ATP13A3: variants seen among roughly 807,000 people sequenced by gnomAD.
The protein encoded by ATP13A3 is ATPase 13A3.
ATP13A3 carries 59 observed loss-of-function variants against 158.1 expected under a neutral mutation model. That is an observed-to-expected ratio of 0.37 (90% CI 0.30 to 0.46). The LOEUF is 0.46. ATP13A3 is among the 20% of genes least tolerant of loss of function. ATP13A3 has a pLI of 1.00. For missense variants in ATP13A3, 1,166 were observed against 1,525.2 expected, an observed-to-expected ratio of 0.76 and a Z score of 3.92; for synonymous variants, 491 against 504.3, an observed-to-expected ratio of 0.97 and a Z score of 0.35.
intron 30 of ATP13A3, 144 bp from the exon 31 acceptor site, chr3:194,420,111 G>C (rs987215551): frequency 1.1e-6 from 1 of 877,066 alleles, no homozygotes; most frequent in Admixed American, 4.2e-5. Flanking sequence ...TATGTGCTCT[G>C]TTATCTCCTG....
At chr3:194,420,740 A>G (rs1053355957) in intron 30 of ATP13A3, among the ~76,000 whole-genome samples, 4 of 152,300 alleles carry the variant, frequency 2.6e-5, no homozygotes, top group African/African-American at 9.6e-5. Flanking sequence ...ACACACATGT[A>G]TATAAGCATA....
At chr3:194,426,123 C>T (rs867713402) in intron 29 of ATP13A3, among the ~76,000 whole-genome samples, 5 of 152,034 alleles carry the variant, frequency 3.3e-5, no homozygotes, top group African/African-American at 1.2e-4. Context: ...TAAGTGCTCA[C>T]GAAACGTGAT....
intron 28 of ATP13A3, 149 bp downstream of exon 28, chr3:194,428,696 T>C: frequency 1.9e-6 from 1 of 532,934 alleles, no homozygotes; most frequent in Non-Finnish European, 3.3e-6. Context: ...GCGCAAGATA[T>C]AAACAACTGG....
At chr3:194,445,996 T>C (rs1295904267) in intron 14 of ATP13A3, among the ~76,000 whole-genome samples, 1 of 152,078 alleles carries the variant, frequency 6.6e-6, no homozygotes, top group Non-Finnish European at 1.5e-5. Flanking sequence ...AGCAATAAAA[T>C]CATAATAAAT....
intron 29 of ATP13A3, 133 bp downstream of exon 29, chr3:194,426,942 C>T: frequency 1.1e-6 from 1 of 934,626 alleles, no homozygotes. Context: ...CCTCGGCCTC[C>T]CCAAAGTACT....
intron 2 of ATP13A3, among the ~76,000 whole-genome samples, chr3:194,476,419 A>C (rs73073156): frequency 0.044 from 6,700 of 152,190 alleles, 362 homozygotes; most frequent in African/African-American, 0.13. Context: ...CTTCCAAAAA[A>C]TCTGCCCCAC....
intron 31 of ATP13A3, among the ~76,000 whole-genome samples, chr3:194,415,661 C>CTGTTTTTTTTTTTT (rs1208643552): frequency 3.4e-4 from 31 of 90,916 alleles, no homozygotes; most frequent in East Asian, 1.3e-3. Context: ...ATACCACATT[C>CTGTTTTTTTTTTTT]TTTTTTTTTT....
At chr3:194,462,806 C>T (rs926324750) in intron 2 of ATP13A3, among the ~76,000 whole-genome samples, 2 of 152,134 alleles carry the variant, frequency 1.3e-5, no homozygotes, top group African/African-American at 4.8e-5. Context: ...CAATGGGATA[C>T]CAGTGCTTGA....
chr3:194,405,726 T>C lies in ATP13A3; in HGVS notation c.*193A>G, dbSNP rs375311582. 2 of 590,206 alleles carry C rather than the reference T, an allele frequency of 3.4e-6. No individual in the cohort carries two copies. Among genetic ancestry groups the C allele is most frequent in the South Asian group, 2.2e-5 (1 of 45,074 alleles). 36.6% of individuals were successfully genotyped at this position (590,206 alleles called of 1,614,324 possible). ...GAAGATATAGGACTTTATGGATTGA[T>C]TGTTAATTTAACTGTTAGGACGATA... On this transcript the variant is annotated 3_prime_UTR_variant, in exon 34 of 34. Transcript: ENST00000645319.
intron 31 of ATP13A3, among the ~76,000 whole-genome samples, chr3:194,416,916 G>T (rs1399451006): frequency 2.0e-5 from 3 of 151,910 alleles, no homozygotes; most frequent in Non-Finnish European, 4.4e-5. Flanking sequence ...TTTATCAAGG[G>T]ATCAAAAACT....
chr3:194,469,046 A>G (rs1720168296), intron 2 of ATP13A3, among the ~76,000 whole-genome samples: 1 of 151,764 alleles, frequency 6.6e-6, no homozygotes. Context: ...AGGCAGGAGA[A>G]TCGTTTGAAC....
intron 16 of ATP13A3, among the ~76,000 whole-genome samples, chr3:194,440,009 G>GATC (rs1187935851): frequency 2.0e-5 from 3 of 152,188 alleles, no homozygotes; most frequent in Admixed American, 6.5e-5. Flanking sequence ...GTAGTTGGCA[G>GATC]ATGGAGCACT....
chr3:194,435,380 T>C (rs1717551474), intron 20 of ATP13A3, among the ~76,000 whole-genome samples: 1 of 152,020 alleles, frequency 6.6e-6, no homozygotes, highest in Non-Finnish European at 1.5e-5. Context: ...CAAGGAAATC[T>C]TACCCTCTAG....
chr3:194,466,056 G>C (rs1435905767), intron 2 of ATP13A3, among the ~76,000 whole-genome samples: 2 of 151,910 alleles, frequency 1.3e-5, no homozygotes, highest in Non-Finnish European at 2.9e-5. Context: ...AAAGTATTCT[G>C]AACTGAATAA....
chr3:194,415,181 C>T (rs1715734689), intron 31 of ATP13A3, among the ~76,000 whole-genome samples: 2 of 152,092 alleles, frequency 1.3e-5, no homozygotes, highest in South Asian at 2.1e-4. Context: ...ATGGCTAACT[C>T]GTCAAATACT....
At chr3:194,446,383 A>G (rs1227315799) in intron 14 of ATP13A3, among the ~76,000 whole-genome samples, 4 of 152,084 alleles carry the variant, frequency 2.6e-5, no homozygotes, top group Non-Finnish European at 5.9e-5. Context: ...AGCACATTTA[A>G]ATGGTCCCAG....
chr3:194,493,083 A>G (rs1366756435), intron 2 of ATP13A3, among the ~76,000 whole-genome samples: 1 of 150,930 alleles, frequency 6.6e-6, no homozygotes, highest in Non-Finnish European at 1.5e-5. Context: ...ATGGTGAGCT[A>G]TGATTGTGCC....
chr3:194,412,343 A>T, intron 32 of ATP13A3, 55 bp from the exon 33 acceptor site: 1 of 1,328,934 alleles, frequency 7.5e-7, no homozygotes, highest in Admixed American at 2.0e-5. Flanking sequence ...ATTTTTTATT[A>T]ATGTGCACCT....
At chr3:194,438,827 G>GT (rs1560089793) in intron 17 of ATP13A3, 29 bp downstream of exon 17, 6 of 1,404,402 alleles carry the variant, frequency 4.3e-6, no homozygotes, top group African/African-American at 1.5e-5. Context: ...ACCACCAACA[G>GT]TTTTATCTAG....
Sources: gnomAD v4.1 joint callset for allele counts (sites outside exome capture counted in the v4.1 genomes callset) on GRCh38, gnomAD v4.1.1 for gene constraint, MANE v1.5 for transcripts, NCBI Gene and HGNC (gene_info 2026-07-23, HGNC 2026-07-21) for gene names.